Variants in LRRC37B observed in about 807,000 individuals in gnomAD.
The protein encoded by LRRC37B is leucine rich repeat containing 37B, also known as leucine-rich repeat-containing protein 37B.
In LRRC37B, 28 loss-of-function variants were observed where a neutral mutation model predicts 98.3. That is an observed-to-expected ratio of 0.28 (90% CI 0.21 to 0.39). The LOEUF (loss-of-function observed/expected upper bound fraction) is 0.39. Ranked by LOEUF, LRRC37B falls within the 10% of genes least tolerant of loss-of-function variation. LRRC37B has a pLI of 1.00. For synonymous variants in LRRC37B, 364 were observed against 442.7 expected (o/e 0.82, Z 2.23); for missense variants, 938 against 1,182.7 (o/e 0.79, Z 3.03).
At chr17:32,052,473 T>C (rs2142265495) in intron 11 of LRRC37B, 1 of 152,320 alleles carries the variant, frequency 6.6e-6, no homozygotes, top group African/African-American at 2.4e-5. Flanking sequence ...GAATGTTAGC[T>C]AAAACAGTCA....
chr17:32,024,767 G>C, exon 2 of LRRC37B: 1 of 1,605,262 alleles, frequency 6.2e-7, no homozygotes. Flanking sequence ...AAAGCATACA[G>C]TTGGACCGAG....
chr17:32,024,995 A>T (rs1215151800), intron 2 of LRRC37B, among the ~76,000 whole-genome samples: 1 of 145,650 alleles, frequency 6.9e-6, no homozygotes, highest in Non-Finnish European at 1.5e-5. Context: ...TTTTTATCAT[A>T]CAAATAATAC....
In LRRC37B at chr17:32,030,678, C is replaced by T. The variant is rs1391577583; in HGVS notation, c.1927C>T (p.Arg643Ter). ...TAGAGATTTATCCTGCAATAAAATA[C>T]GATATATTGAAAGACAAACATTTGA... Residue 643 changes from arginine (R) to a stop codon, truncating the protein, a stop_gained, in exon 4 of 12, where the codon CGA becomes TGA. Coordinates refer to ENST00000327564, the Ensembl canonical transcript of LRRC37B. LOFTEE classifies it high-confidence loss of function. The T allele has an allele frequency of 2.0e-6, 3 of 1,464,042 alleles. No homozygotes were observed. Among genetic ancestry groups the T allele is most frequent in the Non-Finnish European group, 2.8e-6 (3 of 1,076,122 alleles). 90.7% of individuals were successfully genotyped at this position (1,464,042 alleles called of 1,614,324 possible).
At chr17:32,027,444 C>T (rs1910996016) in intron 2 of LRRC37B, among the ~76,000 whole-genome samples, 1 of 97,510 alleles carries the variant, frequency 1.0e-5, no homozygotes, top group Non-Finnish European at 2.0e-5. Context: ...TGTGTGTGTG[C>T]TTGCCTGTGT....
rs551018208 is a variant in LRRC37B, at chr17:32,021,126, T to A, written c.61T>A (p.Cys21Ser). Reference sequence around the variant, plus strand: ...GGCTGCCAGAATGGCTTTTGCTGAGTGCATAGCACCAGCGTGTGTCATGTC... The same window carrying A: ...GGCTGCCAGAATGGCTTTTGCTGAGAGCATAGCACCAGCGTGTGTCATGTC... Residue 21 changes from cysteine (C) to serine (S), a missense_variant, in exon 1 of 12, where the codon TGC becomes AGC. Cys to Ser is a moderately radical substitution (Grantham distance 112). This residue lies in a region of LRRC37B where 610 missense variants were observed against 625.6 expected (regional missense o/e 0.98). Coordinates refer to ENST00000327564, the Ensembl canonical transcript of LRRC37B. The A allele has an allele frequency of 3.2e-5, 52 of 1,614,132 alleles. No homozygotes were observed. In the Admixed American group the frequency reaches 3.8e-4, roughly 12 times the overall value.
At chr17:32,034,860 GT>G in intron 5 of LRRC37B, 49 bp from the exon 9 acceptor site, 1 of 1,388,132 alleles carries the variant, frequency 7.2e-7, no homozygotes, top group South Asian at 1.2e-5. Flanking sequence ...TTTTTATGCA[GT>G]TTCACACATT....
chr17:32,007,885 G>C, upstream of LRRC37B: 4 of 1,019,770 alleles, frequency 3.9e-6, no homozygotes, highest in Non-Finnish European at 4.9e-6. The surrounding 1 kb of genome is among the most constrained non-coding windows in gnomAD (Gnocchi z 4.1). Flanking sequence ...GGGGGCGCGG[G>C]GGCAGCCACC....
At chr17:32,025,025 T>TC (rs1244018722) in intron 2 of LRRC37B, among the ~76,000 whole-genome samples, 1 of 117,818 alleles carries the variant, frequency 8.5e-6, no homozygotes, top group African/African-American at 2.9e-5. Flanking sequence ...TTCTTTTTTT[T>TC]CCTCGTTTTT....
intron 9 of LRRC37B, among the ~76,000 whole-genome samples, chr17:32,048,660 G>T (rs187380903): frequency 9.2e-5 from 14 of 152,178 alleles, no homozygotes; most frequent in Admixed American, 2.0e-4. Flanking sequence ...ACTCACTCCC[G>T]TGTGGCCCAC....
rs781562653 is a variant in LRRC37B, at chr17:32,022,044, C to A, written c.979C>A (p.Gln327Lys). 1.9e-5 allele frequency: 30 copies of A among 1,613,990 alleles called. No homozygotes were observed. The East Asian group carries it at 6.5e-4, about 35-fold the overall frequency. ...CCCTCAGGAGGTAGAACCTTCAACC[C>A]AGCAGGAGGCCCCAGCTCTGCCTCC... The change falls in exon 1 of 12, where the codon CAG becomes AAG. Residue 327 changes from glutamine to lysine, a missense_variant. Physicochemically the swap from Gln to Lys is moderately conservative, Grantham distance 53. Coordinates refer to ENST00000327564, the Ensembl canonical transcript of LRRC37B.
rs1413336684 is a variant in LRRC37B, at chr17:32,024,138, C to A, written c.1761-573C>A. On this transcript the variant is annotated intron_variant, in intron 1 of 11. Transcript: ENST00000327564. ...GACATGCAAAGGATTATTTTAGAATCCATATGTAGAGTGCCCAAAAGGAAA... is the reference window on the plus strand; with the variant it reads ...GACATGCAAAGGATTATTTTAGAATACATATGTAGAGTGCCCAAAAGGAAA... Among the ~76,000 whole-genome samples the A allele has an allele frequency of 2.6e-5, 4 of 151,060 alleles. No homozygotes were observed. The East Asian group carries it at 7.8e-4, about 29-fold the overall frequency.
chr17:32,041,357 G>C (rs767774646), intron 7 of LRRC37B: 1 of 755,256 alleles, frequency 1.3e-6, no homozygotes, highest in Admixed American at 1.7e-5. Flanking sequence ...CAAGCTGCAA[G>C]GTGCTGTATG....
chr17:32,052,475 A>ATTGACTT (rs2142265501), intron 11 of LRRC37B: 1 of 152,322 alleles, frequency 6.6e-6, no homozygotes, highest in African/African-American at 2.4e-5. Flanking sequence ...ATGTTAGCTA[A>ATTGACTT]AACAGTCAAT....
At chr17:32,008,396 C>T (rs1910459269) in intron 1 of LRRC37B, among the ~76,000 whole-genome samples, 1 of 152,148 alleles carries the variant, frequency 6.6e-6, no homozygotes, top group Non-Finnish European at 1.5e-5. Context: ...TTTTTCTCCT[C>T]AAAATTTGTG....
chr17:32,040,327 G>A (rs1911387263), intron 7 of LRRC37B: 1 of 357,218 alleles, frequency 2.8e-6, no homozygotes, highest in Non-Finnish European at 5.4e-6. Flanking sequence ...CGGGGCAGGC[G>A]CAGAGCTGGC....
chr17:32,026,108 C>T (rs1910945105), intron 2 of LRRC37B, among the ~76,000 whole-genome samples: 1 of 152,178 alleles, frequency 6.6e-6, no homozygotes, highest in African/African-American at 2.4e-5. Flanking sequence ...AGTTGAGACA[C>T]ATAAATGATT....
rs531058330 is a variant in LRRC37B at position 32,039,197 on chromosome 17, G to A, written c.2204+3558G>A. On this transcript the variant is annotated intron_variant, in intron 7 of 11. Transcript: ENST00000327564. The stretch of plus-strand genomic sequence containing the variant: ...TCACTGTGTTGTCCAGGCTGGTTTC[G>A]AACTCCTGGCCTCAAGTGATCCTCC... Among the ~76,000 whole-genome samples the A allele has an allele frequency of 1.1e-3, 160 of 151,120 alleles. 1 individual carries two copies. The highest frequency in any genetic ancestry group is 3.1e-3 in the East Asian group (16 of 5,120).
chr17:32,007,950 A>G (rs749677641), upstream of LRRC37B: 2 of 559,750 alleles, frequency 3.6e-6, no homozygotes, highest in Non-Finnish European at 5.6e-6. The surrounding 1 kb of genome is among the most constrained non-coding windows in gnomAD (Gnocchi z 4.1). Flanking sequence ...TATGATGACT[A>G]CGAGAGCGAG....
chr17:32,035,986 A>C, intron 7 of LRRC37B: 1 of 215,486 alleles, frequency 4.6e-6, no homozygotes, highest in South Asian at 7.2e-5. Context: ...CTTGTGTTTG[A>C]CTTCTTTCAC....
Sources: allele counts gnomAD v4.1 joint callset (sites outside exome capture counted in the v4.1 genomes callset), GRCh38; gene constraint gnomAD v4.1.1; regional missense constraint gnomAD v4.1.1; non-coding constraint Gnocchi (gnomAD v3.1); transcripts MANE v1.5; gene names NCBI Gene and HGNC (gene_info 2026-07-23, HGNC 2026-07-21).